Variants in NAALADL2 observed in about 807,000 individuals in gnomAD.
NAALADL2 encodes the protein N-acetylated alpha-linked acidic dipeptidase like 2.
Under a neutral mutation model 87.2 loss-of-function variants are expected in NAALADL2, and 76 were observed. The observed-to-expected ratio is 0.87, with a 90% confidence interval of 0.72 to 1.05. The LOEUF (loss-of-function observed/expected upper bound fraction) is 1.05. Ranked by LOEUF, NAALADL2 falls within the 50% of genes least tolerant of loss-of-function variation. The probability of loss-of-function intolerance (pLI) is 0.00; values close to 1 mark genes in which losing one functional copy is unlikely to be tolerated. For missense variants in NAALADL2, 1,089 were observed against 945.8 expected (o/e 1.15, Z -1.99); for synonymous variants, 354 against 331.0 (o/e 1.07, Z -0.75).
chr3:175,716,281 TTA>T lies in NAALADL2; in HGVS notation c.1897-21023_1897-21022del, dbSNP rs1362568352. Among the ~76,000 whole-genome samples, 14 of 146,172 alleles carry T rather than the reference TTA, an allele frequency of 9.6e-5. No individual in the cohort carries two copies. The East Asian group carries it at 2.0e-3, about 20-fold the overall frequency. On this transcript the variant is annotated intron_variant, in intron 11 of 13. Coordinates refer to ENST00000454872, the MANE Select transcript of NAALADL2 (RefSeq NM_207015.3). Reference sequence around the variant, plus strand: ...ATGTATATAATATATATAATATATATTATGTTATTACACATATAAGATATATT... The same window carrying T: ...ATGTATATAATATATATAATATATATTGTTATTACACATATAAGATATATT...
chr3:174,661,687 T>C (rs1227353636), intron 2 of NAALADL2, among the ~76,000 whole-genome samples: 2 of 152,152 alleles, frequency 1.3e-5, no homozygotes, highest in Non-Finnish European at 2.9e-5. Flanking sequence ...TATTGAACAT[T>C]GTATCCATTA....
rs532230806 is a variant in NAALADL2 at position 175,485,891 on chromosome 3, G to T, written c.1653+14133G>T. Among the ~76,000 whole-genome samples the T allele has an allele frequency of 9.2e-5, 14 of 152,284 alleles. No homozygotes were observed. In the South Asian group the frequency reaches 2.7e-3, roughly 29 times the overall value. On this transcript the variant is annotated intron_variant, in intron 9 of 13. Transcript: ENST00000454872. ...AGCTCTTAGAAGAAGAGACAGGAAA[G>T]AACTTGCTTTTCCTCTTTGTTCTCT...
intron 1 of NAALADL2, among the ~76,000 whole-genome samples, chr3:174,930,477 A>G (rs925378821): frequency 6.6e-6 from 1 of 151,936 alleles, no homozygotes; most frequent in Non-Finnish European, 1.5e-5. Context: ...TGTGTACCTT[A>G]AAGATAGCCT....
chr3:175,759,113 TA>T (rs982483074), intron 13 of NAALADL2, among the ~76,000 whole-genome samples: 21 of 152,276 alleles, frequency 1.4e-4, no homozygotes, highest in African/African-American at 4.8e-4. Context: ...ATGTTGCATG[TA>T]AACCTGGCTC....
chr3:174,716,754 T>C (rs1380740455), intron 2 of NAALADL2, among the ~76,000 whole-genome samples: 1 of 152,096 alleles, frequency 6.6e-6, no homozygotes. Flanking sequence ...ATATATACTA[T>C]AATGTATACA....
chr3:175,391,235 T>A (rs1204552102), intron 5 of NAALADL2, among the ~76,000 whole-genome samples: 1 of 152,238 alleles, frequency 6.6e-6, no homozygotes, highest in Non-Finnish European at 1.5e-5. Flanking sequence ...ATGTTGGGAT[T>A]ATTTAGCTAT....
rs1725227879 is a variant in NAALADL2, at chr3:174,851,360, A to C, written c.-9+113614A>C. ...ACAAAAGTGAAAAAATTTCAGCCAG[A>C]CTAAAAAAAAAAAAAAAAAAAATCA... On this transcript the variant is annotated intron_variant, in intron 3 of 3. Transcript: ENST00000434257. Among the ~76,000 whole-genome samples the C allele has an allele frequency of 2.5e-5, 3 of 121,816 alleles. No homozygotes were observed. In the Admixed American group the frequency reaches 2.7e-4, roughly 11 times the overall value. The allele number at this position is 121,816 out of a possible 152,430, so 79.9% of individuals were successfully genotyped here. A position where few individuals can be genotyped will look rare whatever the true frequency, so the allele number is the denominator to read the frequency against.
intron 1 of NAALADL2, among the ~76,000 whole-genome samples, chr3:174,534,314 A>C (rs1220367626): frequency 6.6e-6 from 1 of 152,228 alleles, no homozygotes; most frequent in Admixed American, 6.5e-5. Flanking sequence ...GTTTAACCTA[A>C]AGTTAGTCTT....
intron 2 of NAALADL2, among the ~76,000 whole-genome samples, chr3:174,736,560 C>G (rs1445931723): frequency 6.6e-6 from 1 of 152,084 alleles, no homozygotes; most frequent in Admixed American, 6.6e-5. Flanking sequence ...CCCTGGAGTT[C>G]CTGTCTGTAG....
At chr3:174,470,097 A>G (rs1239595686) in intron 1 of NAALADL2, among the ~76,000 whole-genome samples, 1 of 152,090 alleles carries the variant, frequency 6.6e-6, no homozygotes, top group Non-Finnish European at 1.5e-5. Context: ...ACTACTATAT[A>G]TCCATACAGG....
At chr3:174,590,530 T>A (rs1272665935) in intron 2 of NAALADL2, among the ~76,000 whole-genome samples, 1 of 152,148 alleles carries the variant, frequency 6.6e-6, no homozygotes, top group East Asian at 1.9e-4. Context: ...GTCCCTCTTA[T>A]TATATTAAAT....
chr3:175,015,983 G>C (rs111328593), intron 1 of NAALADL2, among the ~76,000 whole-genome samples: 3,477 of 151,432 alleles, frequency 0.023, 53 homozygotes, highest in Non-Finnish European at 0.034. Flanking sequence ...TACTGTTTTG[G>C]GGGGAGGAAC....
intron 1 of NAALADL2, among the ~76,000 whole-genome samples, chr3:174,501,316 G>C (rs1231665431): frequency 7.0e-6 from 1 of 142,948 alleles, no homozygotes; most frequent in Non-Finnish European, 1.5e-5. Context: ...CTGACCTCGT[G>C]ATCCGCCCGC....
intron 1 of NAALADL2, among the ~76,000 whole-genome samples, chr3:174,511,194 G>T (rs1240504669): frequency 6.6e-6 from 1 of 151,756 alleles, no homozygotes; most frequent in African/African-American, 2.4e-5. Context: ...GTCAGTTAAT[G>T]GTATTAAGTC....
chr3:175,355,425 G>A (rs1764257651), intron 5 of NAALADL2, among the ~76,000 whole-genome samples: 1 of 152,084 alleles, frequency 6.6e-6, no homozygotes, highest in Admixed American at 6.6e-5. Flanking sequence ...CAATCAACCA[G>A]CAAGTGCATG....
intron 1 of NAALADL2, among the ~76,000 whole-genome samples, chr3:175,013,735 A>G (rs1428881299): frequency 6.6e-6 from 1 of 152,100 alleles, no homozygotes; most frequent in Non-Finnish European, 1.5e-5. Flanking sequence ...TAGTCCATCC[A>G]GAAGCGGCCC....
chr3:175,227,217 T>A (rs1326343323), intron 2 of NAALADL2, among the ~76,000 whole-genome samples: 2 of 152,078 alleles, frequency 1.3e-5, no homozygotes, highest in African/African-American at 4.8e-5. Context: ...ACTACATGCC[T>A]GGCTTCCTCC....
At chr3:175,721,758 T>C (rs1373024808) in intron 11 of NAALADL2, among the ~76,000 whole-genome samples, 1 of 152,004 alleles carries the variant, frequency 6.6e-6, no homozygotes, top group Non-Finnish European at 1.5e-5. Context: ...TGGTATAATA[T>C]AAGAGCTGGG....
chr3:175,222,537 T>A (rs1034801099), intron 2 of NAALADL2, among the ~76,000 whole-genome samples: 8 of 152,184 alleles, frequency 5.3e-5, no homozygotes, highest in Admixed American at 1.3e-4. Context: ...AATTGGCATG[T>A]CCATAAGCAG....
Sources: gnomAD v4.1 joint callset for allele counts (sites outside exome capture counted in the v4.1 genomes callset) on GRCh38, gnomAD v4.1.1 for gene constraint, MANE v1.5 for transcripts, NCBI Gene and HGNC (gene_info 2026-07-23, HGNC 2026-07-21) for gene names.